GTF2IRD1: variants seen among roughly 807,000 people sequenced by gnomAD.
GTF2IRD1 encodes the protein general transcription factor II-I repeat domain-containing protein 1.
A neutral mutation model predicts 113.2 loss-of-function variants in GTF2IRD1; 26 were observed. The ratio of observed to expected loss-of-function variants is 0.23; its 90% CI spans 0.17 to 0.32. GTF2IRD1 has a LOEUF of 0.32. GTF2IRD1 is among the 10% of genes least tolerant of loss of function. The pLI is 1.00. For missense variants in GTF2IRD1, 864 were observed against 1,280.8 expected (o/e 0.67, Z 4.97); for synonymous variants, 484 against 529.1 (o/e 0.91, Z 1.17).
At chr7:74,524,203 C>A in intron 8 of GTF2IRD1, 49 bp downstream of exon 8, 1 of 1,217,292 alleles carries the variant, frequency 8.2e-7, no homozygotes, top group Non-Finnish European at 1.2e-6. Context: ...CCGTGTTGAG[C>A]ATCTCATTAC....
intron 22 of GTF2IRD1, among the ~76,000 whole-genome samples, chr7:74,576,254 C>T (rs938945936): frequency 1.4e-4 from 22 of 151,840 alleles, no homozygotes; most frequent in Non-Finnish European, 2.8e-4. Context: ...AATGAGTCTT[C>T]CAAGGCTAAT....
chr7:74,580,967 C>T (rs1453227269), intron 22 of GTF2IRD1, among the ~76,000 whole-genome samples: 3 of 152,116 alleles, frequency 2.0e-5, no homozygotes, highest in Admixed American at 6.6e-5. Flanking sequence ...CAGGTCCTCC[C>T]GAGAATAGGT....
At chr7:74,596,387 G>C (rs1802410868) in intron 25 of GTF2IRD1, among the ~76,000 whole-genome samples, 1 of 150,102 alleles carries the variant, frequency 6.7e-6, no homozygotes, top group African/African-American at 2.5e-5. Flanking sequence ...TTGAACCTAG[G>C]AGACAGAGGT....
chr7:74,504,307 G>A (rs1312269280), intron 1 of GTF2IRD1, among the ~76,000 whole-genome samples: 2 of 152,212 alleles, frequency 1.3e-5, no homozygotes, highest in Non-Finnish European at 2.9e-5. Flanking sequence ...GAGTGTCTGC[G>A]TTTTGGGCTG....
At chr7:74,530,039 G>A (rs906190313) in intron 9 of GTF2IRD1, 122 bp downstream of exon 9, 18 of 662,144 alleles carry the variant, frequency 2.7e-5, no homozygotes, top group South Asian at 9.1e-5. Flanking sequence ...GCAAAACCCC[G>A]TCTCTATTAA....
At chr7:74,551,945 A>G (rs1341424440) in intron 17 of GTF2IRD1, among the ~76,000 whole-genome samples, 4 of 152,048 alleles carry the variant, frequency 2.6e-5, no homozygotes, top group Admixed American at 2.0e-4. Context: ...CAAAAAATAA[A>G]TAAATAAAAA....
Position 74,590,942 on chromosome 7 carries a change from C to T in GTF2IRD1, c.2516C>T (p.Thr839Met), listed in dbSNP as rs142793583. 17 of 1,613,588 alleles carry T rather than the reference C, an allele frequency of 1.1e-5. No individual in the cohort carries two copies. Among genetic ancestry groups the T allele is most frequent in the African/African-American group, 6.7e-5 (5 of 75,040 alleles). The change falls in exon 24 of 27, where the codon ACG (threonine) becomes ATG (methionine). Residue 839 changes from threonine (T) to methionine (M), a missense_variant. This residue lies in a region of GTF2IRD1 where 195 missense variants were observed against 359.1 expected (regional missense o/e 0.54). Coordinates refer to ENST00000424337, the MANE Select transcript of GTF2IRD1 (RefSeq NM_005685.4). ...PDDIPFRNPN[T>M]YDIHRLEKIL... is the part of the protein sequence containing the mutation. ...GACATCCCCTTCCGGAACCCCAACA[C>T]GTACGACATCCACCGGCTGGAGAAG... is the stretch of plus-strand genomic sequence containing the variant.
intron 17 of GTF2IRD1, among the ~76,000 whole-genome samples, chr7:74,551,051 C>G (rs145966448): frequency 6.6e-6 from 1 of 150,972 alleles, no homozygotes; most frequent in Non-Finnish European, 1.5e-5. Flanking sequence ...TTTAAAAATA[C>G]AAAGAGAGGC....
chr7:74,466,982 G>A (rs1266925026), intron 1 of GTF2IRD1, among the ~76,000 whole-genome samples: 5 of 147,864 alleles, frequency 3.4e-5, no homozygotes, highest in Admixed American at 6.8e-5. Flanking sequence ...ACAGGGTCTC[G>A]CTCCATTGCC....
chr7:74,515,387 G>A (rs1554344354), intron 3 of GTF2IRD1, 54 bp from the exon 4 acceptor site: 1 of 1,548,470 alleles, frequency 6.5e-7, no homozygotes, highest in Admixed American at 2.0e-5. Context: ...CAGCTCGAAG[G>A]CCGGGTGGTG....
intron 25 of GTF2IRD1, among the ~76,000 whole-genome samples, chr7:74,597,417 C>T (rs111983537): frequency 2.1e-3 from 307 of 148,438 alleles, no homozygotes; most frequent in African/African-American, 7.3e-3. Flanking sequence ...GCGATCTTGG[C>T]TCACTGCAAC....
At chr7:74,565,079 TC>T (rs1800213753) in intron 22 of GTF2IRD1, among the ~76,000 whole-genome samples, 1 of 151,618 alleles carries the variant, frequency 6.6e-6, no homozygotes, top group African/African-American at 2.4e-5. Context: ...GGGGACTGGG[TC>T]CCCCAACTCA....
intron 8 of GTF2IRD1, among the ~76,000 whole-genome samples, chr7:74,528,746 G>A (rs868989283): frequency 1.4e-4 from 15 of 108,686 alleles, no homozygotes; most frequent in South Asian, 6.1e-4. Context: ...TGGATGGATG[G>A]ATGGATGGAT....
chr7:74,553,318 A>C (rs1799417237), intron 17 of GTF2IRD1, among the ~76,000 whole-genome samples: 1 of 150,812 alleles, frequency 6.6e-6, no homozygotes, highest in South Asian at 2.1e-4. Context: ...TTAAGAGACA[A>C]GTCTTTCTTT....
At chr7:74,497,814 C>T (rs1281305448) in intron 1 of GTF2IRD1, among the ~76,000 whole-genome samples, 3 of 152,194 alleles carry the variant, frequency 2.0e-5, no homozygotes, top group Non-Finnish European at 4.4e-5. Flanking sequence ...AAGCAATTCT[C>T]CTGCCTCAGC....
At position 74,589,851 on chromosome 7, in the gene GTF2IRD1, A is replaced by G. The variant is rs782754142; in HGVS notation, c.2321A>G (p.Asp774Gly). ...ATGCCCCCTTGTCTTCCTCTTGTAG[A>G]TGAAGATGACGCCAACAGACTCGGG... ...RPFQGLIPKPDEDDANRLGEK... is the reference protein window; with the variant it reads ...RPFQGLIPKPGEDDANRLGEK... Residue 774 changes from aspartate (D) to glycine (G), a missense_variant and splice_region_variant, in exon 23 of 27, where the codon GAT (aspartate) becomes GGT (glycine). Coordinates refer to ENST00000424337, the MANE Select transcript of GTF2IRD1 (RefSeq NM_005685.4). 2 of 1,605,686 alleles carry G rather than the reference A, an allele frequency of 1.2e-6. No individual in the cohort carries two copies. Among genetic ancestry groups the G allele is most frequent in the Non-Finnish European group, 1.7e-6 (2 of 1,172,440 alleles).
At chr7:74,476,486 TCCCAA>T (rs1794419132) in intron 1 of GTF2IRD1, among the ~76,000 whole-genome samples, 1 of 150,806 alleles carries the variant, frequency 6.6e-6, no homozygotes, top group South Asian at 2.1e-4. Context: ...TGCCTCAGCC[TCCCAA>T]GTAGCTGGGA....
At chr7:74,493,593 G>A (rs1427740800) in intron 1 of GTF2IRD1, among the ~76,000 whole-genome samples, 2 of 152,006 alleles carry the variant, frequency 1.3e-5, no homozygotes, top group African/African-American at 2.4e-5. Context: ...AGCCTATCTC[G>A]GGTCTCTAAG....
At chr7:74,593,857 T>C (rs1208786303) in intron 24 of GTF2IRD1, among the ~76,000 whole-genome samples, 22 of 151,424 alleles carry the variant, frequency 1.5e-4, no homozygotes, top group African/African-American at 4.6e-4. Context: ...TGAGCCAAGA[T>C]TGCACCACTG....
Sources: allele counts gnomAD v4.1 joint callset (sites outside exome capture counted in the v4.1 genomes callset), GRCh38; gene constraint gnomAD v4.1.1; regional missense constraint gnomAD v4.1.1; transcripts MANE v1.5; gene names NCBI Gene and HGNC (gene_info 2026-07-23, HGNC 2026-07-21).